The following CCDC141 variants were observed in gnomAD, a reference collection of about 807,000 sequenced individuals.
The protein encoded by CCDC141 is coiled-coil domain containing 141.
In CCDC141, 168 loss-of-function variants were observed where a neutral mutation model predicts 181.0. That is an observed-to-expected ratio of 0.93 (90% CI 0.82 to 1.05). The LOEUF (loss-of-function observed/expected upper bound fraction) is 1.05. CCDC141 is among the 50% of genes least tolerant of loss of function. The pLI is 0.00. For synonymous variants in CCDC141, 666 were observed against 642.3 expected (o/e 1.04, Z -0.56); for missense variants, 1,902 against 1,788.5 (o/e 1.06, Z -1.14).
At chr2:178,837,801 C>A in intron 22 of CCDC141, 57 bp from the exon 23 acceptor site, 1 of 1,537,702 alleles carries the variant, frequency 6.5e-7, no homozygotes, top group South Asian at 1.3e-5. Context: ...TTTCCAGTTT[C>A]AATTACAGTA....
In CCDC141 at chr2:178,978,566, G is replaced by A. The variant is rs1010008219; in HGVS notation, c.335C>T (p.Ala112Val). ...YDAMAETLGE[A>V]WAALVSMLER... ...AAGCATGGACACCAGAGCTGCCCATGCTTCACCCAGAGTCTCGGCCATGGC... is the reference window on the plus strand; with the variant it reads ...AAGCATGGACACCAGAGCTGCCCATACTTCACCCAGAGTCTCGGCCATGGC... Residue 112 changes from alanine to valine, a missense_variant, in exon 3 of 24, where the codon GCA becomes GTA. Coordinates refer to ENST00000443758, the MANE Select transcript of CCDC141 (RefSeq NM_173648.4). 1.0e-5 allele frequency: 16 copies of A among 1,549,952 alleles called. No homozygotes were observed. The highest frequency in any genetic ancestry group is 1.2e-5 in the South Asian group (1 of 83,968).
chr2:179,003,129 A>T (rs1291775098), intron 2 of CCDC141, among the ~76,000 whole-genome samples: 1 of 152,148 alleles, frequency 6.6e-6, no homozygotes, highest in Non-Finnish European at 1.5e-5. Context: ...AAAATTGAAA[A>T]TTTTTCTTCT....
At chr2:178,950,370 C>T (rs1241548957) in intron 5 of CCDC141, among the ~76,000 whole-genome samples, 4 of 151,922 alleles carry the variant, frequency 2.6e-5, no homozygotes, top group South Asian at 2.1e-4. Flanking sequence ...GAACCAGTTG[C>T]CTTTATTTTG....
At chr2:178,961,753 T>A (rs1184696891) in intron 4 of CCDC141, among the ~76,000 whole-genome samples, 1 of 152,060 alleles carries the variant, frequency 6.6e-6, no homozygotes, top group Non-Finnish European at 1.5e-5. Context: ...GGACAGGGAG[T>A]AGAATGAGCG....
intron 6 of CCDC141, among the ~76,000 whole-genome samples, chr2:178,936,757 T>G (rs1389180940): frequency 1.3e-5 from 2 of 152,002 alleles, no homozygotes; most frequent in Admixed American, 6.6e-5. Context: ...TGTTTGTGTC[T>G]TCTGTGAATT....
In CCDC141 at chr2:178,918,815, A is replaced by G. The variant is rs1221011740; in HGVS notation, c.990T>C (p.Ser330=). The part of the protein sequence containing the change: ...DYVEKEHLQL[S]HQKLSQLQEE... Reference sequence around the variant, plus strand: ...CTTGAAGCTGACTGAGTTTCTGGTGAGAGAGCTGGAGGTGTTCTTTCTCCA... The same window carrying G: ...CTTGAAGCTGACTGAGTTTCTGGTGGGAGAGCTGGAGGTGTTCTTTCTCCA... The change falls in exon 7 of 24, where the codon TCT becomes TCC. Residue 330 remains serine (S), a synonymous_variant. Coordinates refer to ENST00000443758, the MANE Select transcript of CCDC141 (RefSeq NM_173648.4). 6.4e-7 allele frequency: 1 copy of G among 1,550,480 alleles called. No individual in the cohort carries two copies. The highest frequency in any genetic ancestry group is 1.4e-5 in the African/African-American group (1 of 73,044).
At chr2:178,817,276 T>A in the CCDC141 span, among the ~76,000 whole-genome samples, 3 of 151,970 alleles carry the variant, frequency 2.0e-5, no homozygotes, top group Non-Finnish European at 2.9e-5. Flanking sequence ...ATGTGCCACA[T>A]GTTTATTTCT....
chr2:179,043,320 T>C (rs1424923255), intron 2 of CCDC141, among the ~76,000 whole-genome samples: 3 of 152,154 alleles, frequency 2.0e-5, no homozygotes, highest in Admixed American at 1.3e-4. Flanking sequence ...CCATTCCTAC[T>C]GAAACTATTC....
At chr2:178,942,245 G>T (rs1340848940) in intron 6 of CCDC141, among the ~76,000 whole-genome samples, 2 of 152,034 alleles carry the variant, frequency 1.3e-5, no homozygotes, top group Non-Finnish European at 2.9e-5. Flanking sequence ...AACACACCTG[G>T]CTAATCGTTT....
At chr2:178,941,958 CAAAAAAAAAAAAAAAAAAAAAAAAAA>C (rs66903231) in intron 6 of CCDC141, among the ~76,000 whole-genome samples, 25 of 71,488 alleles carry the variant, frequency 3.5e-4, no homozygotes, top group South Asian at 1.4e-3. Flanking sequence ...GATCCCATCT[CAAAAAAAAAAAAAAAAAAAAAAAAAA>C]AAAAAAAAAA....
At chr2:178,884,654 T>C (rs1442625308) in intron 11 of CCDC141, among the ~76,000 whole-genome samples, 2 of 152,142 alleles carry the variant, frequency 1.3e-5, no homozygotes, top group East Asian at 3.8e-4. Context: ...AACGCACAGG[T>C]CACAGGTGCT....
intron 11 of CCDC141, among the ~76,000 whole-genome samples, chr2:178,884,585 T>G (rs1686787812): frequency 6.6e-6 from 1 of 152,154 alleles, no homozygotes; most frequent in East Asian, 1.9e-4. Flanking sequence ...TCCTTTTTGT[T>G]TTCCTTGTGC....
intron 2 of CCDC141, among the ~76,000 whole-genome samples, chr2:179,029,334 G>T (rs1409460364): frequency 6.6e-6 from 1 of 152,136 alleles, no homozygotes; most frequent in Non-Finnish European, 1.5e-5. Context: ...ATGACTAATA[G>T]TATTGTAGGC....
intron 4 of CCDC141, among the ~76,000 whole-genome samples, chr2:178,971,977 G>A (rs543338791): frequency 1.3e-5 from 2 of 152,120 alleles, no homozygotes; most frequent in East Asian, 3.9e-4. Context: ...TAATGTAAGT[G>A]ACGGGTTGAT....
chr2:179,011,719 T>C (rs1211506114), intron 2 of CCDC141, among the ~76,000 whole-genome samples: 1 of 152,048 alleles, frequency 6.6e-6, no homozygotes, highest in African/African-American at 2.4e-5. Context: ...GACCATATGA[T>C]AGGCCATAAA....
In CCDC141 at chr2:178,872,233, C is replaced by T. The variant is rs752970629; in HGVS notation, c.1979G>A (p.Arg660Gln). Reference protein sequence around the residue: ...KNTMENQKAEREELSLLRLAW... With the variant: ...KNTMENQKAEQEELSLLRLAW... ...CAGCCGAAGGAGGCTAAGTTCTTCCCGTTCTGCTTTCTGGTTTTCCATGGT... is the reference window on the plus strand; with the variant it reads ...CAGCCGAAGGAGGCTAAGTTCTTCCTGTTCTGCTTTCTGGTTTTCCATGGT... The change falls in exon 13 of 24, where the codon CGG (arginine) becomes CAG (glutamine). Residue 660 changes from arginine (R) to glutamine (Q), a missense_variant. Transcript: ENST00000443758. 7.4e-6 allele frequency: 12 copies of T among 1,613,916 alleles called. No homozygotes were observed. In the Middle Eastern group the frequency reaches 6.6e-4, roughly 88 times the overall value.
intron 11 of CCDC141, among the ~76,000 whole-genome samples, chr2:178,884,338 G>A (rs941240120): frequency 6.6e-6 from 1 of 151,636 alleles, no homozygotes; most frequent in Non-Finnish European, 1.5e-5. Flanking sequence ...AAACTGCTTT[G>A]CTTTTGTTTC....
intron 2 of CCDC141, among the ~76,000 whole-genome samples, chr2:178,992,340 C>CT (rs34507992): frequency 0.025 from 2,917 of 118,578 alleles, 63 homozygotes; most frequent in South Asian, 0.047. Context: ...TAAAATAGAC[C>CT]TTTTTTTTTT....
At chr2:178,892,901 G>C (rs148010404) in intron 8 of CCDC141, among the ~76,000 whole-genome samples, 31 of 152,288 alleles carry the variant, frequency 2.0e-4, no homozygotes, top group African/African-American at 6.3e-4. Context: ...AAGTAACACT[G>C]CTCATGTGCA....
Sources: gnomAD v4.1 joint callset for allele counts (sites outside exome capture counted in the v4.1 genomes callset) on GRCh38, gnomAD v4.1.1 for gene constraint, MANE v1.5 for transcripts, NCBI Gene and HGNC (gene_info 2026-07-23, HGNC 2026-07-21) for gene names.